The following SND1 variants were observed in gnomAD, a reference collection of about 807,000 sequenced individuals.
SND1 encodes staphylococcal nuclease domain-containing protein 1.
SND1 carries 38 observed loss-of-function variants against 121.7 expected under a neutral mutation model. The observed-to-expected ratio is 0.31, with a 90% CI of 0.24 to 0.41. The LOEUF is 0.41. Ranked by LOEUF, SND1 falls within the 10% of genes least tolerant of loss-of-function variation. The pLI is 1.00. For missense variants in SND1, 868 were observed against 1,184.6 expected, an observed-to-expected ratio of 0.73 and a Z score of 3.92; for synonymous variants, 401 against 447.4, an observed-to-expected ratio of 0.90 and a Z score of 1.31.
At chr7:127,735,877 G>A (rs1025526461) in intron 10 of SND1, among the ~76,000 whole-genome samples, 11 of 152,058 alleles carry the variant, frequency 7.2e-5, no homozygotes, top group Admixed American at 4.6e-4. Flanking sequence ...TCCCCCGCCC[G>A]CCCCAGCCTC....
At chr7:128,037,283 C>T (rs6969233) in intron 16 of SND1, among the ~76,000 whole-genome samples, 108,742 of 152,110 alleles carry the variant, frequency 0.71, 40,357 homozygotes, top group African/African-American at 0.91. Flanking sequence ...CCTTGACTTA[C>T]AGCTGTATCA....
chr7:127,857,960 G>A (rs1434456636), intron 12 of SND1: 2 of 1,370,220 alleles, frequency 1.5e-6, no homozygotes, highest in Admixed American at 1.7e-5. Flanking sequence ...ACCCAGGTCT[G>A]CATCTGGTCG....
chr7:128,091,932 GC>G (rs1217135692), intron 23 of SND1, 51 bp downstream of exon 23: 3 of 1,613,604 alleles, frequency 1.9e-6, no homozygotes, highest in African/African-American at 2.7e-5. Flanking sequence ...GAGGGGTTTG[GC>G]CCTCTGAGTT....
chr7:127,923,707 T>A (rs921137620), intron 14 of SND1, among the ~76,000 whole-genome samples: 1 of 152,096 alleles, frequency 6.6e-6, no homozygotes, highest in African/African-American at 2.4e-5. Flanking sequence ...ATAGGAGATG[T>A]AGTTGTGATT....
chr7:128,078,410 G>A (rs1360094623), intron 17 of SND1, among the ~76,000 whole-genome samples: 1 of 152,236 alleles, frequency 6.6e-6, no homozygotes, highest in African/African-American at 2.4e-5. Context: ...ATGCTTCTTG[G>A]CAACCTCAAG....
At chr7:127,766,967 T>G (rs1797433919) in intron 10 of SND1, among the ~76,000 whole-genome samples, 1 of 151,884 alleles carries the variant, frequency 6.6e-6, no homozygotes, top group Non-Finnish European at 1.5e-5. Context: ...TGTACTTTTA[T>G]AGCCTCTATA....
At chr7:127,954,501 T>G (rs1801548486) in intron 15 of SND1, among the ~76,000 whole-genome samples, 1 of 152,094 alleles carries the variant, frequency 6.6e-6, no homozygotes, top group Non-Finnish European at 1.5e-5. Context: ...TCTTTTAATC[T>G]CTTATGTCTT....
intron 10 of SND1, among the ~76,000 whole-genome samples, chr7:127,743,018 A>G (rs996730725): frequency 1.3e-5 from 2 of 152,116 alleles, no homozygotes; most frequent in African/African-American, 2.4e-5. Context: ...TATGGAGGTA[A>G]CTAACATGTT....
chr7:127,917,968 C>T (rs1484212542), intron 14 of SND1, among the ~76,000 whole-genome samples: 1 of 152,032 alleles, frequency 6.6e-6, no homozygotes, highest in Admixed American at 6.6e-5. Flanking sequence ...AATGCTGACA[C>T]TTACAAACTA....
At chr7:127,859,748 G>A (rs1799344631) in intron 12 of SND1, among the ~76,000 whole-genome samples, 1 of 152,090 alleles carries the variant, frequency 6.6e-6, no homozygotes, top group East Asian at 1.9e-4. Flanking sequence ...TTCACCCCTA[G>A]AGGTTCTTGT....
intron 10 of SND1, among the ~76,000 whole-genome samples, chr7:127,799,626 A>C (rs1185051608): frequency 6.6e-6 from 1 of 152,206 alleles, no homozygotes; most frequent in Admixed American, 6.5e-5. Context: ...CGTAGATTCC[A>C]GTTTTTAAAA....
intron 16 of SND1, among the ~76,000 whole-genome samples, chr7:128,068,250 T>A (rs1485852967): frequency 6.6e-6 from 1 of 150,806 alleles, no homozygotes; most frequent in Non-Finnish European, 1.5e-5. Flanking sequence ...ATGCTCACTC[T>A]CTCCCTCCCC....
intron 17 of SND1, among the ~76,000 whole-genome samples, chr7:128,076,182 G>A (rs755917917): frequency 1.7e-4 from 26 of 152,162 alleles, no homozygotes; most frequent in Non-Finnish European, 3.2e-4. Context: ...GGGAGCACAG[G>A]GAGGGGACTC....
At chr7:128,091,666 A>G (rs1181953124) in intron 22 of SND1, among the ~76,000 whole-genome samples, 171 bp from the exon 23 acceptor site, 1 of 152,206 alleles carries the variant, frequency 6.6e-6, no homozygotes, top group Non-Finnish European at 1.5e-5. Flanking sequence ...GGGAAAAGCC[A>G]GGAGACTAAT....
chr7:127,932,669 G>A (rs1198312207), intron 15 of SND1, among the ~76,000 whole-genome samples: 1 of 151,812 alleles, frequency 6.6e-6, no homozygotes, highest in Non-Finnish European at 1.5e-5. Context: ...AAACCTCATT[G>A]TTTTTTTTGC....
At chr7:127,931,271 G>C (rs888254521) in intron 15 of SND1, among the ~76,000 whole-genome samples, 16 of 152,056 alleles carry the variant, frequency 1.1e-4, no homozygotes, top group African/African-American at 3.9e-4. Flanking sequence ...TTGCTTATAT[G>C]GAAAAATTTT....
chr7:128,026,027 A>G (rs1319842231), intron 16 of SND1, among the ~76,000 whole-genome samples: 1 of 152,102 alleles, frequency 6.6e-6, no homozygotes, highest in Admixed American at 6.5e-5. Flanking sequence ...AAAAAAAAAA[A>G]AAGAAGGGTG....
intron 16 of SND1, among the ~76,000 whole-genome samples, chr7:128,023,595 A>T (rs966731177): frequency 1.3e-5 from 2 of 152,168 alleles, no homozygotes; most frequent in Non-Finnish European, 1.5e-5. Context: ...GCACAAGGCA[A>T]GGTTTTCCTG....
chr7:127,702,537 A>T lies in SND1; in HGVS notation c.681+11A>T. The T allele has an allele frequency of 1.2e-6, 2 of 1,610,326 alleles. No individual in the cohort carries two copies. Among genetic ancestry groups the T allele is most frequent in the South Asian group, 1.1e-5 (1 of 91,018 alleles). ...CTGTCAGGCATCAAGGTCAGACCAT[A>T]CTCTTGGCTACGTGGTGGGTTTAGA... On this transcript the variant is annotated intron_variant, in intron 6 of 23. Coordinates refer to ENST00000354725, the MANE Select transcript of SND1 (RefSeq NM_014390.4).
Sources: allele counts gnomAD v4.1 joint callset (sites outside exome capture counted in the v4.1 genomes callset), GRCh38; gene constraint gnomAD v4.1.1; transcripts MANE v1.5; gene names NCBI Gene and HGNC (gene_info 2026-07-23, HGNC 2026-07-21).